Variants in SEMA6D observed in about 807,000 individuals in gnomAD.
SEMA6D encodes semaphorin 6D, also known as semaphorin-6D.
In SEMA6D, 35 loss-of-function variants were observed where a neutral mutation model predicts 106.6. That is an observed-to-expected ratio of 0.33 (90% CI 0.25 to 0.44). SEMA6D has a LOEUF of 0.44. Ranked by LOEUF, SEMA6D falls within the 20% of genes least tolerant of loss-of-function variation. The pLI is 1.00. For synonymous variants in SEMA6D, 499 were observed against 487.7 expected, an observed-to-expected ratio of 1.02 and a Z score of -0.31; for missense variants, 1,185 against 1,345.9, an observed-to-expected ratio of 0.88 and a Z score of 1.87.
At chr15:47,288,300 C>T (rs573795054) in intron 1 of SEMA6D, among the ~76,000 whole-genome samples, 3 of 152,234 alleles carry the variant, frequency 2.0e-5, no homozygotes, top group African/African-American at 7.2e-5. Context: ...GTTAATGCAC[C>T]GTCAACATTT....
At chr15:47,395,843 A>C (rs1384401506) in intron 1 of SEMA6D, among the ~76,000 whole-genome samples, 6 of 152,196 alleles carry the variant, frequency 3.9e-5, no homozygotes, top group South Asian at 2.1e-4. Flanking sequence ...TACAATATTC[A>C]TATACAGGAT....
intron 1 of SEMA6D, among the ~76,000 whole-genome samples, chr15:47,228,777 G>A (rs1311491729): frequency 6.6e-6 from 1 of 151,992 alleles, no homozygotes; most frequent in East Asian, 1.9e-4. Context: ...AATCTTGGCA[G>A]TCTGAGTTCA....
intron 4 of SEMA6D, among the ~76,000 whole-genome samples, chr15:47,694,889 C>T (rs1365447911): frequency 6.6e-6 from 1 of 152,094 alleles, no homozygotes; most frequent in Non-Finnish European, 1.5e-5. Flanking sequence ...GTATGTATTA[C>T]AATTATTGAG....
intron 4 of SEMA6D, among the ~76,000 whole-genome samples, chr15:47,690,259 A>C (rs16959924): frequency 0.064 from 9,782 of 152,284 alleles, 365 homozygotes; most frequent in African/African-American, 0.097. Context: ...CTGGCTCCTA[A>C]TTAAATTATT....
intron 2 of SEMA6D, among the ~76,000 whole-genome samples, chr15:47,428,176 T>G (rs1595971570): frequency 6.6e-6 from 1 of 152,258 alleles, no homozygotes; most frequent in African/African-American, 2.4e-5. Context: ...CTGCTCATAT[T>G]GCAATAGAGG....
intron 1 of SEMA6D, among the ~76,000 whole-genome samples, chr15:47,210,624 G>A (rs944985727): frequency 4.6e-5 from 7 of 151,892 alleles, no homozygotes; most frequent in Non-Finnish European, 5.9e-5. Context: ...AATCCGTGGC[G>A]CGTGGTGGCA....
At chr15:47,222,395 C>T (rs1015272921) in intron 1 of SEMA6D, among the ~76,000 whole-genome samples, 2 of 152,124 alleles carry the variant, frequency 1.3e-5, no homozygotes, top group African/African-American at 4.8e-5. Flanking sequence ...TTTCCAGATA[C>T]CACAGATCTT....
chr15:47,344,953 AATAAC>A (rs990086973), intron 1 of SEMA6D, among the ~76,000 whole-genome samples: 4 of 152,234 alleles, frequency 2.6e-5, no homozygotes, highest in African/African-American at 9.6e-5. Context: ...AGCCATTTAA[AATAAC>A]ATAAAAAATG....
At chr15:47,677,845 C>T (rs546177643) in intron 4 of SEMA6D, among the ~76,000 whole-genome samples, 9 of 152,220 alleles carry the variant, frequency 5.9e-5, no homozygotes, top group East Asian at 1.9e-4. Context: ...CTCATGATGT[C>T]GCTTTTAGAC....
At chr15:47,270,893 G>A (rs2034530749) in intron 1 of SEMA6D, among the ~76,000 whole-genome samples, 1 of 151,918 alleles carries the variant, frequency 6.6e-6, no homozygotes, top group African/African-American at 2.4e-5. Flanking sequence ...TACTCAGGAG[G>A]CTGAGGCAGG....
At chr15:47,233,767 A>G (rs1037863780) in intron 1 of SEMA6D, among the ~76,000 whole-genome samples, 2 of 151,968 alleles carry the variant, frequency 1.3e-5, no homozygotes, top group South Asian at 2.1e-4. Context: ...TCGATTTTGT[A>G]TCCTACAACT....
intron 3 of SEMA6D, among the ~76,000 whole-genome samples, chr15:47,471,406 A>G (rs1055477648): frequency 6.6e-6 from 1 of 152,194 alleles, no homozygotes; most frequent in African/African-American, 2.4e-5. Flanking sequence ...ACCTTCTGTC[A>G]TAAGTCATAC....
At chr15:47,666,155 A>G (rs2078022551) in intron 4 of SEMA6D, among the ~76,000 whole-genome samples, 1 of 152,224 alleles carries the variant, frequency 6.6e-6, no homozygotes, top group Non-Finnish European at 1.5e-5. Context: ...TGACATCTCA[A>G]CCTACAAAAA....
intron 1 of SEMA6D, among the ~76,000 whole-genome samples, chr15:47,743,380 AT>A (rs1353715646): frequency 6.6e-6 from 1 of 152,030 alleles, no homozygotes; most frequent in Non-Finnish European, 1.5e-5. Context: ...AGATTTTTCA[AT>A]GTTTTTTTTT....
intron 3 of SEMA6D, among the ~76,000 whole-genome samples, chr15:47,475,917 G>A (rs533406344): frequency 6.6e-6 from 1 of 152,290 alleles, no homozygotes; most frequent in African/African-American, 2.4e-5. Context: ...AAGAATACAT[G>A]AGCAATTTCC....
chr15:47,628,683 C>A (rs1030331708), intron 4 of SEMA6D, among the ~76,000 whole-genome samples: 1 of 151,984 alleles, frequency 6.6e-6, no homozygotes, highest in Non-Finnish European at 1.5e-5. Flanking sequence ...CAAATATTTT[C>A]TCCCAGTCTA....
chr15:47,208,253 C>T (rs1486447833), intron 1 of SEMA6D, among the ~76,000 whole-genome samples: 2 of 151,852 alleles, frequency 1.3e-5, no homozygotes, highest in African/African-American at 4.8e-5. Context: ...GTATTAAAAC[C>T]ATTTAGAATG....
intron 1 of SEMA6D, among the ~76,000 whole-genome samples, chr15:47,726,881 C>T (rs903289436): frequency 6.6e-6 from 1 of 152,102 alleles, no homozygotes; most frequent in Non-Finnish European, 1.5e-5. Flanking sequence ...GATATATGTA[C>T]CTTGAGGCCA....
chr15:47,675,409 G>A (rs2078222953), intron 4 of SEMA6D, among the ~76,000 whole-genome samples: 1 of 152,170 alleles, frequency 6.6e-6, no homozygotes, highest in African/African-American at 2.4e-5. Flanking sequence ...AGAGAGACCA[G>A]AAGGGCACAC....
Sources: allele counts gnomAD v4.1 joint callset (sites outside exome capture counted in the v4.1 genomes callset), GRCh38; gene constraint gnomAD v4.1.1; transcripts MANE v1.5; gene names NCBI Gene and HGNC (gene_info 2026-07-23, HGNC 2026-07-21).